GCFC2: variants seen among roughly 807,000 people sequenced by gnomAD.
GCFC2 encodes GC-rich sequence DNA-binding factor 2, also known as intron Large complex component GCFC2.
A neutral mutation model predicts 99.4 loss-of-function variants in GCFC2; 102 were observed. That is an observed-to-expected ratio of 1.03 (90% CI 0.87 to 1.21). The LOEUF is 1.21. Among genes scored for constraint, GCFC2 ranks in the 50% most tolerant of loss-of-function variants. The pLI, the probability that GCFC2 is intolerant of heterozygous loss-of-function variation, is 0.00. For missense variants in GCFC2, 973 were observed against 920.9 expected (o/e 1.06, Z -0.73); for synonymous variants, 338 against 316.8 (o/e 1.07, Z -0.71).
At chr2:75,695,084 G>A (rs989385318) in intron 5 of GCFC2, among the ~76,000 whole-genome samples, 11 of 152,028 alleles carry the variant, frequency 7.2e-5, no homozygotes, top group African/African-American at 2.4e-4. Flanking sequence ...AAAATGCTAC[G>A]ATAAATCAAT....
chr2:75,685,800 A>G (rs1679788123), intron 11 of GCFC2, among the ~76,000 whole-genome samples: 2 of 152,120 alleles, frequency 1.3e-5, no homozygotes, highest in Admixed American at 1.3e-4. Flanking sequence ...GTCCACTTAG[A>G]TTACAGGTAC....
chr2:75,695,111 T>G lies in GCFC2; in HGVS notation c.834-684A>C, dbSNP rs529851367. Among the ~76,000 whole-genome samples the G allele has an allele frequency of 1.3e-5, 2 of 152,316 alleles. 1 individual carries two copies. The highest frequency in any genetic ancestry group is 3.9e-4 in the East Asian group (2 of 5,194). On this transcript the variant is annotated intron_variant, in intron 5 of 16. Transcript: ENST00000321027. ...TAAATCAATGATCTGCTGCCTCTTT[T>G]TTATCCCTCATGCAAGGTTATCTTT...
Position 75,664,696 on chromosome 2 carries a change from G to T in GCFC2, c.2316C>A (p.Asp772Glu). 2 of 1,501,898 alleles carry T rather than the reference G, an allele frequency of 1.3e-6. No homozygotes were observed. Among genetic ancestry groups the T allele is most frequent in the East Asian group, 2.3e-5 (1 of 44,216 alleles). The allele number at this position is 1,501,898 out of a possible 1,614,324, so 93.0% of individuals were successfully genotyped here. Residue 772 changes from aspartate to glutamate, a missense_variant, in exon 17 of 17, where the codon GAC (aspartate) becomes GAA (glutamate). By Grantham distance (45) the Asp-to-Glu change is conservative. Transcript: ENST00000321027. Reference protein sequence around the residue: ...AESFIGEHHLDHLKSLIKED With the variant: ...AESFIGEHHLEHLKSLIKED ...CTTCTTTAATTAGTGATTTAAGATG[G>T]TCTAGGTGATGCTCTCCTATGAAGG...
intron 12 of GCFC2, among the ~76,000 whole-genome samples, chr2:75,674,177 T>C (rs1471639085): frequency 2.0e-5 from 3 of 152,256 alleles, no homozygotes; most frequent in Non-Finnish European, 4.4e-5. Context: ...ATTAAGCTGC[T>C]TGCCAACATT....
At chr2:75,675,152 G>C (rs576804865) in intron 12 of GCFC2, among the ~76,000 whole-genome samples, 4 of 152,238 alleles carry the variant, frequency 2.6e-5, no homozygotes, top group African/African-American at 4.8e-5. Flanking sequence ...TGAATCAACT[G>C]GCAAAAGTGG....
intron 2 of GCFC2, 135 bp from the exon 3 acceptor site, chr2:75,702,558 A>C: frequency 1.5e-6 from 1 of 650,228 alleles, no homozygotes; most frequent in Admixed American, 3.0e-5. Flanking sequence ...GACTTTAATA[A>C]ATGGCTCAAA....
intron 6 of GCFC2, among the ~76,000 whole-genome samples, chr2:75,692,812 G>A (rs972634549): frequency 2.0e-5 from 3 of 152,020 alleles, no homozygotes; most frequent in South Asian, 2.1e-4. Flanking sequence ...CAAAGCTGGT[G>A]AAATTTGAAA....
Position 75,673,474 on chromosome 2 carries a change from T to C in GCFC2, c.1859A>G (p.Asp620Gly). ...TGGATACAGAGGAATAAAAACATCA[T>C]CTTCTACTGCCTTTTTCATTCTTGA... The part of the protein sequence containing the change: ...IVSRMKKAVE[D>G]DVFIPLYPKS... Residue 620 changes from aspartate (D) to glycine (G), a missense_variant, in exon 13 of 17, where the codon GAT becomes GGT. By Grantham distance (94) the Asp-to-Gly change is moderately conservative. Transcript: ENST00000321027. 2 of 1,439,634 alleles carry C rather than the reference T, an allele frequency of 1.4e-6. No homozygotes were observed. The highest frequency in any genetic ancestry group is 2.0e-6 in the Non-Finnish European group (2 of 1,021,290). 89.2% of individuals were successfully genotyped at this position (1,439,634 alleles called of 1,614,324 possible).
intron 12 of GCFC2, 82 bp downstream of exon 12, chr2:75,680,111 A>T (rs1679505510): frequency 1.1e-6 from 1 of 938,860 alleles, no homozygotes; most frequent in Non-Finnish European, 1.6e-6. Flanking sequence ...TCACTTCTGC[A>T]TCTTTTATAA....
At chr2:75,691,256 T>C (rs969354072) in intron 7 of GCFC2, among the ~76,000 whole-genome samples, 6 of 152,208 alleles carry the variant, frequency 3.9e-5, no homozygotes, top group Non-Finnish European at 8.8e-5. Context: ...ATGAAAATAA[T>C]ATATTGTAAG....
chr2:75,694,385 C>T lies in GCFC2; in HGVS notation c.876G>A (p.Glu292=). The T allele has an allele frequency of 6.5e-7, 1 of 1,527,440 alleles. No homozygotes were observed. Among genetic ancestry groups the T allele is most frequent in the Non-Finnish European group, 8.9e-7 (1 of 1,123,396 alleles). The allele number at this position is 1,527,440 out of a possible 1,614,324, so 94.6% of individuals were successfully genotyped here. The change falls in exon 6 of 17, where the codon GAG becomes GAA. Residue 292 remains glutamate, a synonymous_variant. Coordinates refer to ENST00000321027, the MANE Select transcript of GCFC2 (RefSeq NM_003203.5). The stretch of plus-strand genomic sequence containing the variant: ...TGACATCTTGTACGTATTTTTCATA[C>T]TCCCTCAGGTGTGAGCGGTGAGTTT... The part of the protein sequence containing the change: ...LQETHRSHLR[E]YEKYVQDVKS...
upstream of GCFC2, chr2:75,711,296 C>G (rs1013736204): frequency 8.8e-6 from 7 of 795,832 alleles, no homozygotes; most frequent in South Asian, 4.0e-4. Flanking sequence ...AAACGAAACC[C>G]CAGCAGTGTG....
At chr2:75,689,941 A>T in intron 9 of GCFC2, 28 bp downstream of exon 9, 1 of 1,182,882 alleles carries the variant, frequency 8.5e-7, no homozygotes, top group Non-Finnish European at 1.2e-6. Context: ...AACTCAAACC[A>T]TGATATATTA....
In GCFC2 at chr2:75,685,673, A is replaced by G. The variant is rs188780038; in HGVS notation, c.1690+2154T>C. ...TTATATTCACTCGCTTGGTATTCAA[A>G]GTCAATTTTATACATTAAATGCCAT... On this transcript the variant is annotated intron_variant, in intron 11 of 16. Transcript: ENST00000321027. Among the ~76,000 whole-genome samples, 15 of 152,270 alleles carry G rather than the reference A, an allele frequency of 9.9e-5. No homozygotes were observed. In the East Asian group the frequency reaches 2.7e-3, roughly 27 times the overall value.
rs754298952 is a variant in GCFC2 at position 75,672,022 on chromosome 2, T to G, written c.1890-6A>C. The G allele has an allele frequency of 7.3e-6, 11 of 1,502,642 alleles. No homozygotes were observed. Among genetic ancestry groups the G allele is most frequent in the Non-Finnish European group, 9.2e-7 (1 of 1,081,396 alleles). The allele number at this position is 1,502,642 out of a possible 1,614,324, so 93.1% of individuals were successfully genotyped here. A position where few individuals can be genotyped will look rare whatever the true frequency, so the allele number is the denominator to read the frequency against. On this transcript the variant is annotated splice_polypyrimidine_tract_variant and splice_region_variant and intron_variant, in intron 13 of 16. Coordinates refer to ENST00000321027, the MANE Select transcript of GCFC2 (RefSeq NM_003203.5). Reference sequence around the variant, plus strand: ...ATGTTTTGTTTTCTACAGCACTAATTAGAAACAAACGAAAGAGAAGAGAAA... The same window carrying G: ...ATGTTTTGTTTTCTACAGCACTAATGAGAAACAAACGAAAGAGAAGAGAAA...
intron 4 of GCFC2, among the ~76,000 whole-genome samples, chr2:75,697,203 T>A (rs902840566): frequency 6.6e-6 from 1 of 152,226 alleles, no homozygotes; most frequent in Non-Finnish European, 1.5e-5. Context: ...CCTCCATGCT[T>A]GGAATGTTCA....
rs1200538896 is a variant in GCFC2, at chr2:75,706,582, T to A, written c.335A>T (p.Asp112Val). 2 of 1,600,388 alleles carry A rather than the reference T, an allele frequency of 1.2e-6. No homozygotes were observed. Among genetic ancestry groups the A allele is most frequent in the African/African-American group, 2.7e-5 (2 of 74,830 alleles). The change falls in exon 2 of 17, where the codon GAT (aspartate) becomes GTT (valine). Residue 112 changes from aspartate to valine, a missense_variant. Physicochemically the swap from Asp to Val is radical, Grantham distance 152 (BLOSUM62 -3). Transcript: ENST00000321027. Reference sequence around the variant, plus strand: ...AGAACTGTCAGAAGACAAACCCTGATCATCCTTACTTTCTGAGGAGTGATG... The same window carrying A: ...AGAACTGTCAGAAGACAAACCCTGAACATCCTTACTTTCTGAGGAGTGATG... Reference protein sequence around the residue: ...KIHHSSESKDDQGLSSDSSSS... With the variant: ...KIHHSSESKDVQGLSSDSSSS...
Position 75,666,053 on chromosome 2 carries a change from C to T in GCFC2, c.2104G>A (p.Val702Ile). 1.9e-6 allele frequency: 3 copies of T among 1,600,544 alleles called. No homozygotes were observed. The highest frequency in any genetic ancestry group is 1.1e-5 in the South Asian group (1 of 88,528). ...GPDVVKKCNQ[V>I]AACLPEKWFE... is the part of the protein sequence containing the mutation. Reference sequence around the variant, plus strand: ...CATTTTTCTGGTAGACATGCTGCTACCTGTTAATCAAAACACATGGCTGGT... The same window carrying T: ...CATTTTTCTGGTAGACATGCTGCTATCTGTTAATCAAAACACATGGCTGGT... The change falls in exon 16 of 17, where the codon GTA becomes ATA. Residue 702 changes from valine (V) to isoleucine (I), a missense_variant and splice_region_variant. Transcript: ENST00000321027.
intron 12 of GCFC2, chr2:75,679,822 G>C (rs914977102): frequency 1.5e-5 from 6 of 402,100 alleles, no homozygotes; most frequent in Non-Finnish European, 2.2e-5. Context: ...TGGGCCATGA[G>C]AACACAAATC....
Sources: gnomAD v4.1 joint callset for allele counts (sites outside exome capture counted in the v4.1 genomes callset) on GRCh38, gnomAD v4.1.1 for gene constraint, MANE v1.5 for transcripts, NCBI Gene and HGNC (gene_info 2026-07-23, HGNC 2026-07-21) for gene names.